The following CHD6 variants were observed in gnomAD, a reference collection of about 807,000 sequenced individuals.
CHD6 encodes the protein chromodomain helicase DNA binding protein 6.
Under a neutral mutation model 276.9 loss-of-function variants are expected in CHD6, and 50 were observed. The observed-to-expected ratio is 0.18, with a 90% CI of 0.14 to 0.23. The LOEUF is 0.23. Ranked by LOEUF, CHD6 falls within the 10% of genes least tolerant of loss-of-function variation. The probability of loss-of-function intolerance (pLI) is 1.00; values close to 1 mark genes in which losing one functional copy is unlikely to be tolerated. For missense variants in CHD6, 2,564 were observed against 3,365.8 expected, an observed-to-expected ratio of 0.76 and a Z score of 5.89; for synonymous variants, 1,173 against 1,229.3, an observed-to-expected ratio of 0.95 and a Z score of 0.96.
At position 41,415,197 on chromosome 20, in the gene CHD6, C is replaced by T. The variant is rs757051591; in HGVS notation, c.6928G>A (p.Ala2310Thr). The T allele has an allele frequency of 4.3e-6, 7 of 1,613,620 alleles. No individual in the cohort carries two copies. The Admixed American group carries it at 1.0e-4, about 23-fold the overall frequency. Residue 2310 changes from alanine (A) to threonine (T), a missense_variant, in exon 34 of 37, where the codon GCG becomes ACG. Physicochemically the swap from Ala to Thr is moderately conservative, Grantham distance 58. Coordinates refer to ENST00000373233, the MANE Select transcript of CHD6 (RefSeq NM_032221.5). ...ACCTCAATACCCACCAAGATTCCCGCCTGAAGTGTCTGCTCCTTCAAAAAG... is the reference window on the plus strand; with the variant it reads ...ACCTCAATACCCACCAAGATTCCCGTCTGAAGTGTCTGCTCCTTCAAAAAG... ...LIFLKEQTLQ[A>T]GILEVHEDPG... is the part of the protein sequence containing the mutation.
chr20:41,532,071 C>T (rs2044699082), intron 3 of CHD6, among the ~76,000 whole-genome samples: 1 of 152,078 alleles, frequency 6.6e-6, no homozygotes, highest in Non-Finnish European at 1.5e-5. Flanking sequence ...TAAAGTTCTC[C>T]ACAAGGAATT....
rs2043360317 is a variant in CHD6 at position 41,484,228 on chromosome 20, A to G, written c.2257+124T>C. On this transcript the variant is annotated intron_variant, in intron 15 of 36. Coordinates refer to ENST00000373233, the MANE Select transcript of CHD6 (RefSeq NM_032221.5). ...CTGAATCTCAGTTTTATACTCTGTAAAAAGGTGAGAATGCGTACATCCTAG... is the reference window on the plus strand; with the variant it reads ...CTGAATCTCAGTTTTATACTCTGTAGAAAGGTGAGAATGCGTACATCCTAG... 3.3e-6 allele frequency: 4 copies of G among 1,217,820 alleles called. No individual in the cohort carries two copies. In the African/African-American group the frequency reaches 4.5e-5, roughly 14 times the overall value. 75.4% of individuals were successfully genotyped at this position (1,217,820 alleles called of 1,614,324 possible). A position where few individuals can be genotyped will look rare whatever the true frequency, so the allele number is the denominator to read the frequency against.
chr20:41,437,216 G>A, intron 27 of CHD6, 58 bp downstream of exon 27: 1 of 1,285,010 alleles, frequency 7.8e-7, no homozygotes, highest in Non-Finnish European at 1.1e-6. Flanking sequence ...CCAAGATAGG[G>A]ATTTCTTTCT....
chr20:41,575,867 TA>T (rs916444041), intron 1 of CHD6, among the ~76,000 whole-genome samples: 46 of 151,884 alleles, frequency 3.0e-4, no homozygotes, highest in African/African-American at 1.1e-3. Context: ...GAAGCCAAAA[TA>T]AAAAAAATCC....
chr20:41,462,864 ACAT>A lies in CHD6; in HGVS notation c.2665-5439_2665-5437del, dbSNP rs1283979562. ...TGTCCACTGAGAGGGCCTAGAAGAA[ACAT>A]CATTGCAGTAGCAATGAACACACCC... On this transcript the variant is annotated intron_variant, in intron 17 of 36. Coordinates refer to ENST00000373233, the MANE Select transcript of CHD6 (RefSeq NM_032221.5). Among the ~76,000 whole-genome samples the A allele has an allele frequency of 2.6e-5, 4 of 152,334 alleles. No homozygotes were observed. The East Asian group carries it at 7.7e-4, about 29-fold the overall frequency.
intron 8 of CHD6, chr20:41,497,127 C>T (rs556505396): frequency 2.6e-5 from 11 of 420,214 alleles, no homozygotes; most frequent in Admixed American, 7.1e-5. Flanking sequence ...TCCTCTCACT[C>T]TAGCTATTTA....
chr20:41,450,957 C>T lies in CHD6; in HGVS notation c.3672G>A (p.Gln1224=), dbSNP rs1183462476. ...GGAGGGACACTCACTTGTTGCAGTG[C>T]TGTTTGAGGTGTTTCTTATAGCCAT... is the stretch of plus-strand genomic sequence containing the variant. The part of the protein sequence containing the change: ...HDDGYKKHLK[Q]HCNKVLLRVR... The change falls in exon 23 of 37, where the codon CAG becomes CAA. Residue 1224 remains glutamine (Q), a synonymous_variant. Transcript: ENST00000373233. 5 of 1,612,332 alleles carry T rather than the reference C, an allele frequency of 3.1e-6. No individual in the cohort carries two copies. Among genetic ancestry groups the T allele is most frequent in the Admixed American group, 3.3e-5 (2 of 59,902 alleles).
At chr20:41,553,502 T>C (rs1303054507) in intron 1 of CHD6, among the ~76,000 whole-genome samples, 1 of 152,184 alleles carries the variant, frequency 6.6e-6, no homozygotes, top group Non-Finnish European at 1.5e-5. Flanking sequence ...TTCCTCTCCT[T>C]CTTTGTTCTT....
chr20:41,590,424 G>C (rs867742959), intron 1 of CHD6, among the ~76,000 whole-genome samples: 16 of 152,266 alleles, frequency 1.1e-4, no homozygotes, highest in South Asian at 2.1e-4. Context: ...AGAGTGAACA[G>C]GCACCCACAG....
In CHD6 at chr20:41,421,670, A is replaced by G; in HGVS notation, c.4965T>C (p.Leu1655=). ...TCACTAGATTTTCAGGTTCATTTTC[A>G]AGGGACTCTGAAGTCCTACTCATTT... ...YSQMSRTSES[L]ENEPENLVRV... Residue 1655 remains leucine, a synonymous_variant, in exon 31 of 37, where the codon CTT becomes CTC. Transcript: ENST00000373233. The G allele has an allele frequency of 6.2e-7, 1 of 1,613,378 alleles. No individual in the cohort carries two copies. Among genetic ancestry groups the G allele is most frequent in the Non-Finnish European group, 8.5e-7 (1 of 1,179,522 alleles).
chr20:41,526,282 A>G (rs1222226859), intron 3 of CHD6, among the ~76,000 whole-genome samples: 4 of 152,190 alleles, frequency 2.6e-5, no homozygotes, highest in Non-Finnish European at 5.9e-5. Flanking sequence ...GTCTCTACTG[A>G]GGACTCATAC....
chr20:41,603,096 T>C (rs552050068), intron 1 of CHD6, among the ~76,000 whole-genome samples: 2 of 152,188 alleles, frequency 1.3e-5, no homozygotes, highest in South Asian at 4.2e-4. Context: ...CTCATGCCTG[T>C]AAACCCAGCA....
chr20:41,499,868 A>G (rs1035386019), intron 5 of CHD6, among the ~76,000 whole-genome samples: 2 of 152,182 alleles, frequency 1.3e-5, no homozygotes, highest in Non-Finnish European at 2.9e-5. Flanking sequence ...ATGTTTTCAC[A>G]TACTATTCAA....
intron 31 of CHD6, among the ~76,000 whole-genome samples, chr20:41,418,306 G>A (rs2047069442): frequency 6.6e-6 from 1 of 152,094 alleles, no homozygotes; most frequent in African/African-American, 2.4e-5. Flanking sequence ...GAAACAAGAC[G>A]CCATGATAGG....
In CHD6 at chr20:41,576,216, T is replaced by C. The variant is rs74885084; in HGVS notation, c.-23-24856A>G. Reference sequence around the variant, plus strand: ...GAAATTCTCTGTACATGAAGAAAATTAGCCCTGTAATAATAATTACCAAAA... The same window carrying C: ...GAAATTCTCTGTACATGAAGAAAATCAGCCCTGTAATAATAATTACCAAAA... On this transcript the variant is annotated intron_variant, in intron 1 of 36. Transcript: ENST00000373233. Among the ~76,000 whole-genome samples the C allele has an allele frequency of 4.3e-4, 66 of 152,312 alleles. No homozygotes were observed. The East Asian group carries it at 0.012, about 27-fold the overall frequency.
At chr20:41,540,982 G>A (rs2044930258) in intron 2 of CHD6, among the ~76,000 whole-genome samples, 1 of 145,814 alleles carries the variant, frequency 6.9e-6, no homozygotes, top group South Asian at 2.2e-4. Context: ...ACTTTCTTCT[G>A]AAAGATTTTT....
chr20:41,600,358 C>T (rs980102253), intron 1 of CHD6, among the ~76,000 whole-genome samples: 3 of 152,232 alleles, frequency 2.0e-5, no homozygotes, highest in Admixed American at 6.5e-5. Context: ...TTGTATTATT[C>T]CATTTGAAGT....
chr20:41,404,882 C>G lies in CHD6; in HGVS notation c.7859G>C (p.Gly2620Ala). The part of the protein sequence containing the change: ...NPFLIPGVSP[G>A]LIYPSMFLSP... Reference sequence around the variant, plus strand: ...GAGGAACATGGATGGGTAAATGAGTCCAGGAGATACTCCTGGGATGAGAAA... The same window carrying G: ...GAGGAACATGGATGGGTAAATGAGTGCAGGAGATACTCCTGGGATGAGAAA... Residue 2620 changes from glycine to alanine, a missense_variant, in exon 37 of 37, where the codon GGA becomes GCA. Physicochemically the swap from Gly to Ala is moderately conservative, Grantham distance 60. Around this residue, in one of 7 missense-constraint regions of CHD6, gnomAD observed 238 missense variants for 266.0 expected, o/e 0.89. Coordinates refer to ENST00000373233, the MANE Select transcript of CHD6 (RefSeq NM_032221.5). 1 of 1,614,038 alleles carries G rather than the reference C, an allele frequency of 6.2e-7. No homozygotes were observed. The highest frequency in any genetic ancestry group is 1.3e-5 in the African/African-American group (1 of 75,032).
intron 1 of CHD6, among the ~76,000 whole-genome samples, chr20:41,598,339 A>G (rs889803833): frequency 6.6e-6 from 1 of 152,164 alleles, no homozygotes; most frequent in South Asian, 2.1e-4. Flanking sequence ...ATGGCTCCCA[A>G]AGTAGCCACT....
Sources: gnomAD v4.1 joint callset for allele counts (sites outside exome capture counted in the v4.1 genomes callset) on GRCh38, gnomAD v4.1.1 for gene constraint, gnomAD v4.1.1 regional missense constraint, MANE v1.5 for transcripts, NCBI Gene and HGNC (gene_info 2026-07-23, HGNC 2026-07-21) for gene names.